Variants in PKIG observed in about 807,000 individuals in gnomAD.
PKIG encodes the protein protein kinase (cAMP-dependent, catalytic) inhibitor gamma.
Under a neutral mutation model 6.8 loss-of-function variants are expected in PKIG, and 1 was observed. The observed-to-expected ratio is 0.15, with a 90% CI of 0.05 to 0.69. The LOEUF (loss-of-function observed/expected upper bound fraction) is 0.69, where lower values mean the gene tolerates loss of function less well. Among genes scored for constraint, PKIG ranks in the 30% least tolerant of loss-of-function variants. The pLI is 0.82. For missense variants in PKIG, 77 were observed against 104.0 expected (o/e 0.74, Z 1.13); for synonymous variants, 39 against 43.0 (o/e 0.91, Z 0.36).
intron 1 of PKIG, chr20:44,585,305 A>G (rs1350648114): frequency 1.3e-5 from 2 of 152,312 alleles, no homozygotes; most frequent in African/African-American, 4.8e-5. Flanking sequence ...CTCCCACCTC[A>G]GTCACTCCCG....
intron 2 of PKIG, among the ~76,000 whole-genome samples, chr20:44,607,983 A>G (rs1307763822): frequency 6.7e-6 from 1 of 150,002 alleles, no homozygotes; most frequent in Non-Finnish European, 1.5e-5. Flanking sequence ...GGCATGAGCC[A>G]CCATGCCCGG....
At chr20:44,609,626 G>T (rs1444692348) in intron 2 of PKIG, among the ~76,000 whole-genome samples, 1 of 152,244 alleles carries the variant, frequency 6.6e-6, no homozygotes, top group African/African-American at 2.4e-5. Context: ...GAATGCAGCG[G>T]CCAGAACCTG....
Position 44,614,790 on chromosome 20 carries a change from C to A in PKIG, c.151+83C>A. The A allele has an allele frequency of 1.4e-6, 2 of 1,401,594 alleles. No individual in the cohort carries two copies. Among genetic ancestry groups the A allele is most frequent in the Non-Finnish European group, 9.8e-7 (1 of 1,017,276 alleles). 86.8% of individuals were successfully genotyped at this position (1,401,594 alleles called of 1,614,324 possible). On this transcript the variant is annotated intron_variant, in intron 3 of 3. Transcript: ENST00000372886. The surrounding 1 kb of genome is among the most constrained non-coding windows in gnomAD (Gnocchi z 4.6). ...GGGCTAGCCTCCAAGTCCTAGACTG[C>A]CCATACTTTCTTAGAGAAGAAACCA...
chr20:44,610,480 CTCTCTT>C (rs896602686), intron 2 of PKIG, among the ~76,000 whole-genome samples: 8 of 131,840 alleles, frequency 6.1e-5, no homozygotes, highest in African/African-American at 2.6e-4. Context: ...CTCTCTCTCT[CTCTCTT>C]CTCTCTCTCT....
chr20:44,540,286 A>C (rs2064549645), intron 1 of PKIG, among the ~76,000 whole-genome samples: 1 of 152,124 alleles, frequency 6.6e-6, no homozygotes, highest in African/African-American at 2.4e-5. Flanking sequence ...TTAAACAACC[A>C]ACCTGTGCTA....
chr20:44,532,510 C>T (rs547160311), intron 1 of PKIG, among the ~76,000 whole-genome samples: 1 of 152,274 alleles, frequency 6.6e-6, no homozygotes, highest in South Asian at 2.1e-4. Context: ...TGAGCCACGG[C>T]CCGGGCTGAT....
At chr20:44,572,312 C>T (rs1219208466) in intron 1 of PKIG, among the ~76,000 whole-genome samples, 3 of 152,064 alleles carry the variant, frequency 2.0e-5, no homozygotes, top group East Asian at 3.9e-4. Context: ...GGTCAATATA[C>T]GTGTTAAATT....
intron 1 of PKIG, among the ~76,000 whole-genome samples, chr20:44,538,839 A>G (rs945556025): frequency 2.0e-5 from 3 of 152,076 alleles, no homozygotes; most frequent in Admixed American, 1.3e-4. Flanking sequence ...CTCATGCTGT[A>G]CTTGAACTCC....
chr20:44,564,106 T>C (rs1193502537), intron 1 of PKIG: 1 of 152,252 alleles, frequency 6.6e-6, no homozygotes, highest in African/African-American at 2.4e-5. Context: ...TTCATATTTT[T>C]ACATTTGGAT....
intron 2 of PKIG, among the ~76,000 whole-genome samples, chr20:44,594,440 C>T (rs182696904): frequency 1.7e-3 from 255 of 152,316 alleles, no homozygotes; most frequent in African/African-American, 5.9e-3. Flanking sequence ...CATTCCTTAC[C>T]TTTTCAGGTT....
chr20:44,575,760 C>CT (rs761244959), intron 1 of PKIG, among the ~76,000 whole-genome samples: 1 of 152,180 alleles, frequency 6.6e-6, no homozygotes, highest in Non-Finnish European at 1.5e-5. Flanking sequence ...GGCCTCCTGT[C>CT]TTTGGCTGTG....
chr20:44,551,903 A>G (rs1397533332), intron 1 of PKIG, among the ~76,000 whole-genome samples: 1 of 152,172 alleles, frequency 6.6e-6, no homozygotes, highest in Non-Finnish European at 1.5e-5. Context: ...TACCACCACC[A>G]CTTTGTTCCA....
At chr20:44,553,091 C>T (rs373061958) in intron 1 of PKIG, among the ~76,000 whole-genome samples, 3 of 152,162 alleles carry the variant, frequency 2.0e-5, no homozygotes, top group African/African-American at 4.8e-5. Flanking sequence ...TTAACACTGA[C>T]TCACACTGAC....
At chr20:44,611,521 T>C (rs1299475441) in intron 2 of PKIG, among the ~76,000 whole-genome samples, 6 of 141,194 alleles carry the variant, frequency 4.2e-5, no homozygotes, top group African/African-American at 1.6e-4. Context: ...CTATATCAAC[T>C]TTTTTTTTTT....
chr20:44,599,517 A>C (rs1372932471), intron 2 of PKIG, among the ~76,000 whole-genome samples: 1 of 152,104 alleles, frequency 6.6e-6, no homozygotes, highest in East Asian at 1.9e-4. Context: ...AGGTCAAGAG[A>C]TCGAGACCAT....
chr20:44,587,090 A>G (rs1008571949), intron 1 of PKIG, among the ~76,000 whole-genome samples: 7 of 152,214 alleles, frequency 4.6e-5, no homozygotes, highest in Admixed American at 2.0e-4. Flanking sequence ...ATAAATGTAC[A>G]TTGAGGACCT....
Position 44,570,306 on chromosome 20 carries a change from A to G in PKIG, c.-240-12279A>G, listed in dbSNP as rs1330514415. ...CTAAACATTTCCAGTATTTCCTATG[A>G]TAAGTTGTATGCAATAAATAAGATG... On this transcript the variant is annotated intron_variant, in intron 1 of 4. Transcript: ENST00000372887. Among the ~76,000 whole-genome samples, 15 of 152,316 alleles carry G rather than the reference A, an allele frequency of 9.8e-5. No homozygotes were observed. The South Asian group carries it at 3.1e-3, about 32-fold the overall frequency.
chr20:44,613,202 G>A (rs1420874277), intron 2 of PKIG, among the ~76,000 whole-genome samples: 1 of 152,112 alleles, frequency 6.6e-6, no homozygotes, highest in Non-Finnish European at 1.5e-5. Flanking sequence ...GTCTCGCTTT[G>A]TCGCCCAGGC....
chr20:44,570,095 C>T (rs1260130826), intron 1 of PKIG, among the ~76,000 whole-genome samples: 1 of 152,138 alleles, frequency 6.6e-6, no homozygotes, highest in Admixed American at 6.5e-5. Context: ...GATATCACTG[C>T]ACTCCTGCCT....
Sources: gnomAD v4.1 joint callset for allele counts (sites outside exome capture counted in the v4.1 genomes callset) on GRCh38, gnomAD v4.1.1 for gene constraint, Gnocchi (gnomAD v3.1) non-coding constraint, MANE v1.5 for transcripts, NCBI Gene and HGNC (gene_info 2026-07-23, HGNC 2026-07-21) for gene names.